The following PTPRA variants were observed in gnomAD, a reference collection of about 807,000 sequenced individuals.
The protein encoded by PTPRA is receptor-type tyrosine-protein phosphatase alpha.
A neutral mutation model predicts 104.8 loss-of-function variants in PTPRA; 25 were observed. That is an observed-to-expected ratio of 0.24 (90% CI 0.17 to 0.33). The LOEUF (loss-of-function observed/expected upper bound fraction) is 0.33. Among genes scored for constraint, PTPRA ranks in the 10% least tolerant of loss-of-function variants. The probability of loss-of-function intolerance (pLI) is 1.00; values close to 1 mark genes in which losing one functional copy is unlikely to be tolerated. For synonymous variants in PTPRA, 323 were observed against 368.9 expected (o/e 0.88, Z 1.43); for missense variants, 765 against 1,015.3 (o/e 0.75, Z 3.35).
chr20:2,893,811 G>C (rs1037770923), intron 1 of PTPRA, among the ~76,000 whole-genome samples: 2 of 152,028 alleles, frequency 1.3e-5, no homozygotes, highest in East Asian at 3.9e-4. Flanking sequence ...TGAAGATTAC[G>C]TGTGTCTATT....
chr20:3,026,320 C>G (rs2065144628), intron 17 of PTPRA, among the ~76,000 whole-genome samples: 1 of 152,172 alleles, frequency 6.6e-6, no homozygotes, highest in African/African-American at 2.4e-5. Context: ...AAGAAGGAGC[C>G]TCAATCGGGA....
intron 5 of PTPRA, among the ~76,000 whole-genome samples, chr20:2,974,377 A>G (rs1267500203): frequency 6.6e-6 from 1 of 151,562 alleles, no homozygotes; most frequent in Non-Finnish European, 1.5e-5. Context: ...CAGCCTCCCA[A>G]AGTGCTGGGA....
intron 20 of PTPRA, among the ~76,000 whole-genome samples, chr20:3,031,210 C>T (rs1045552767): frequency 4.6e-5 from 7 of 152,090 alleles, no homozygotes; most frequent in African/African-American, 1.7e-4. Context: ...CCATGTCCGC[C>T]TTAGACCTCA....
intron 3 of PTPRA, among the ~76,000 whole-genome samples, chr20:2,957,119 A>C (rs1043482416): frequency 1.4e-4 from 22 of 152,260 alleles, no homozygotes; most frequent in African/African-American, 5.3e-4. Flanking sequence ...CCCTGTCTCT[A>C]CTAAAAATAC....
chr20:2,945,539 C>T (rs1258638514), intron 2 of PTPRA, among the ~76,000 whole-genome samples: 1 of 151,900 alleles, frequency 6.6e-6, no homozygotes, highest in African/African-American at 2.4e-5. Context: ...GAGCAGACCT[C>T]TCTTTGGTCT....
At chr20:2,888,241 A>G (rs2090484470) in intron 1 of PTPRA, among the ~76,000 whole-genome samples, 1 of 152,134 alleles carries the variant, frequency 6.6e-6, no homozygotes, top group African/African-American at 2.4e-5. Context: ...TATGACTGAC[A>G]TGGTGGGGAA....
At chr20:3,008,193 C>G (rs2063965218) in intron 11 of PTPRA, among the ~76,000 whole-genome samples, 1 of 152,178 alleles carries the variant, frequency 6.6e-6, no homozygotes, top group Non-Finnish European at 1.5e-5. Flanking sequence ...AGCATTAATC[C>G]TAAAAGCCAG....
chr20:2,926,505 CTCATCTCAACTTGA>C, intron 2 of PTPRA, among the ~76,000 whole-genome samples: 1 of 152,262 alleles, frequency 6.6e-6, no homozygotes. Flanking sequence ...CCCTAATGAG[CTCATCTCAACTTGA>C]TCATATGCAA....
intron 9 of PTPRA, among the ~76,000 whole-genome samples, chr20:2,988,775 T>C (rs2063015427): frequency 6.6e-6 from 1 of 152,214 alleles, no homozygotes; most frequent in African/African-American, 2.4e-5. Flanking sequence ...GCCAGTGATA[T>C]GATGAGGAGC....
Position 3,038,118 on chromosome 20 carries a change from T to G in PTPRA, c.2394T>G (p.Tyr798Ter). Residue 798 changes from tyrosine (Y) to a stop codon, truncating the protein, a stop_gained, in exon 24 of 24, where the codon TAT (tyrosine) becomes TAG (stop). Transcript: ENST00000399903. LOFTEE classifies it high-confidence loss of function. ...AGTATATTGATGCATTCTCAGATTA[T>G]GCCAACTTCAAGTAAGCGGCAACAA... ...VQEYIDAFSD[Y>*]ANFK 1 of 1,611,976 alleles carries G rather than the reference T, an allele frequency of 6.2e-7. No homozygotes were observed.
rs768095327 is a variant in PTPRA at position 2,894,880 on chromosome 20, G to A, written c.-129+21120G>A. ...CGGGCGCCTGTAGTCCCAGCTACTC[G>A]GGAGGCTGAGACAGGAGAATGGGGT... On this transcript the variant is annotated intron_variant, in intron 1 of 23. Transcript: ENST00000399903. Among the ~76,000 whole-genome samples the A allele has an allele frequency of 5.9e-4, 89 of 151,520 alleles. 1 individual carries two copies. Among genetic ancestry groups the A allele is most frequent in the Admixed American group, 2.8e-3 (42 of 15,200 alleles).
At chr20:3,019,480 G>A (rs1337852319) in intron 13 of PTPRA, among the ~76,000 whole-genome samples, 49 of 151,694 alleles carry the variant, frequency 3.2e-4, no homozygotes, top group South Asian at 2.1e-4. Flanking sequence ...CGGACGGGGC[G>A]GCAGGGCAGA....
intron 20 of PTPRA, among the ~76,000 whole-genome samples, chr20:3,030,675 G>GTTTT (rs2065397450): frequency 1.9e-5 from 2 of 102,604 alleles, no homozygotes; most frequent in Admixed American, 1.2e-4. Context: ...ATCTCCCTCT[G>GTTTT]CTTTTTTTTT....
intron 1 of PTPRA, among the ~76,000 whole-genome samples, chr20:2,905,828 G>T (rs912447184): frequency 3.3e-5 from 5 of 151,456 alleles, no homozygotes; most frequent in African/African-American, 1.2e-4. Context: ...GGGATTACAG[G>T]CATGCGCCAC....
At chr20:2,920,314 A>G (rs2060054115) in intron 1 of PTPRA, among the ~76,000 whole-genome samples, 1 of 152,186 alleles carries the variant, frequency 6.6e-6, no homozygotes, top group Non-Finnish European at 1.5e-5. Flanking sequence ...GGAGGAGATC[A>G]AGAAGACTGG....
chr20:2,959,378 A>T lies in PTPRA; in HGVS notation c.-6-4894A>T, dbSNP rs1013901536. Among the ~76,000 whole-genome samples the T allele has an allele frequency of 9.9e-5, 15 of 152,126 alleles. 1 individual carries two copies. The highest frequency in any genetic ancestry group is 3.6e-4 in the African/African-American group (15 of 41,436). ...GAAAATAAAAATGTAATCTCATTATATTCATTTGATTAGTGGGGACAGTCA... is the reference window on the plus strand; with the variant it reads ...GAAAATAAAAATGTAATCTCATTATTTTCATTTGATTAGTGGGGACAGTCA... On this transcript the variant is annotated intron_variant, in intron 3 of 23. Transcript: ENST00000399903.
intron 5 of PTPRA, among the ~76,000 whole-genome samples, chr20:2,973,429 C>A (rs754123885): frequency 2.0e-5 from 3 of 152,246 alleles, no homozygotes; most frequent in African/African-American, 7.2e-5. Context: ...TATTAGGATG[C>A]GCTATAAGCT....
At chr20:2,908,581 C>T (rs1364682042) in intron 1 of PTPRA, among the ~76,000 whole-genome samples, 1 of 152,008 alleles carries the variant, frequency 6.6e-6, no homozygotes, top group African/African-American at 2.4e-5. Flanking sequence ...AATGCATACC[C>T]TCCACTGTGC....
At chr20:2,985,171 C>G (rs73581786) in intron 6 of PTPRA, among the ~76,000 whole-genome samples, 6,036 of 152,256 alleles carry the variant, frequency 0.04, 389 homozygotes, top group African/African-American at 0.14. Context: ...TGGGAATGTT[C>G]CTGTTGGATT....
Sources: gnomAD v4.1 joint callset for allele counts (sites outside exome capture counted in the v4.1 genomes callset) on GRCh38, gnomAD v4.1.1 for gene constraint, MANE v1.5 for transcripts, NCBI Gene and HGNC (gene_info 2026-07-23, HGNC 2026-07-21) for gene names.